The following SCHIP1 variants were observed in gnomAD, a reference collection of about 807,000 sequenced individuals.
The protein encoded by SCHIP1 is schwannomin-interacting protein 1.
Under a neutral mutation model 29.7 loss-of-function variants are expected in SCHIP1, and 8 were observed. The observed-to-expected ratio is 0.27, with a 90% confidence interval of 0.16 to 0.49. The LOEUF (loss-of-function observed/expected upper bound fraction) is 0.49. SCHIP1 is among the 20% of genes least tolerant of loss of function. The pLI, the probability that SCHIP1 is intolerant of heterozygous loss-of-function variation, is 0.99. For missense variants in SCHIP1, 193 were observed against 294.6 expected (o/e 0.66, Z 2.52); for synonymous variants, 76 against 94.9 (o/e 0.80, Z 1.16).
the SCHIP1 span, among the ~76,000 whole-genome samples, chr3:159,314,545 G>A: frequency 6.6e-6 from 1 of 152,170 alleles, no homozygotes; most frequent in Non-Finnish European, 1.5e-5. Flanking sequence ...GGGAAAATAA[G>A]TAAAAGATAG....
the SCHIP1 span, among the ~76,000 whole-genome samples, chr3:159,418,326 A>G: frequency 3.9e-5 from 6 of 152,174 alleles, no homozygotes; most frequent in African/African-American, 1.4e-4. Context: ...ATCTATCTAG[A>G]TATCTAGACT....
At chr3:159,561,117 T>C in the SCHIP1 span, among the ~76,000 whole-genome samples, 1 of 152,194 alleles carries the variant, frequency 6.6e-6, no homozygotes, top group Non-Finnish European at 1.5e-5. Flanking sequence ...GTAAAGTGTA[T>C]TCTTACACAG....
rs182564528 is a variant in SCHIP1 at position 159,889,020 on chromosome 3, T to A, written c.589+77T>A. 1.1e-4 allele frequency: 164 copies of A among 1,502,588 alleles called. No individual in the cohort carries two copies. The African/African-American group carries it at 2.0e-3, about 19-fold the overall frequency. 93.1% of individuals were successfully genotyped at this position (1,502,588 alleles called of 1,614,324 possible). A position where few individuals can be genotyped will look rare whatever the true frequency, so the allele number is the denominator to read the frequency against. On this transcript the variant is annotated intron_variant, in intron 5 of 6. Transcript: ENST00000445224. ...GATAATGCTGCTTCCTTGGTCCAAC[T>A]TTTTCATACAACATTTCATTGGGTT...
chr3:159,860,233 T>A (rs1222607796), intron 1 of SCHIP1, among the ~76,000 whole-genome samples: 1 of 152,198 alleles, frequency 6.6e-6, no homozygotes, highest in Non-Finnish European at 1.5e-5. Flanking sequence ...AGTATTTACT[T>A]CATTGCTTTA....
chr3:159,418,692 G>T, the SCHIP1 span, among the ~76,000 whole-genome samples: 3 of 152,120 alleles, frequency 2.0e-5, no homozygotes, highest in Non-Finnish European at 4.4e-5. Context: ...ATATCCTCAA[G>T]GTCAGACTTC....
chr3:159,314,200 A>G, the SCHIP1 span, among the ~76,000 whole-genome samples: 2 of 152,158 alleles, frequency 1.3e-5, no homozygotes, highest in Non-Finnish European at 2.9e-5. Flanking sequence ...TGGCCCTACA[A>G]CCTCAGCATT....
chr3:159,514,826 G>C, the SCHIP1 span, among the ~76,000 whole-genome samples: 1 of 152,052 alleles, frequency 6.6e-6, no homozygotes, highest in Non-Finnish European at 1.5e-5. Context: ...TGTGCAATTG[G>C]TGTCTCAACC....
the SCHIP1 span, among the ~76,000 whole-genome samples, chr3:159,788,075 A>G: frequency 1.3e-5 from 2 of 152,226 alleles, no homozygotes; most frequent in African/African-American, 4.8e-5. Flanking sequence ...CTTCAATAGC[A>G]TTACAACAAT....
chr3:159,388,483 A>G, the SCHIP1 span, among the ~76,000 whole-genome samples: 5 of 152,146 alleles, frequency 3.3e-5, no homozygotes, highest in Admixed American at 2.6e-4. Flanking sequence ...TAATTTTAAA[A>G]TGTCAATTTT....
chr3:159,449,877 G>C, the SCHIP1 span, among the ~76,000 whole-genome samples: 8 of 150,210 alleles, frequency 5.3e-5, no homozygotes, highest in Admixed American at 3.3e-4. Context: ...CATGAAGGAA[G>C]AAAGAAAGAA....
chr3:159,512,897 G>A, the SCHIP1 span, among the ~76,000 whole-genome samples: 1 of 152,110 alleles, frequency 6.6e-6, no homozygotes, highest in Admixed American at 6.5e-5. Flanking sequence ...CTCTCTATGA[G>A]TTCAATTGTT....
the SCHIP1 span, among the ~76,000 whole-genome samples, chr3:159,384,463 T>TTGATCATGGTGGATAAGC: frequency 2.8e-5 from 4 of 144,070 alleles, no homozygotes; most frequent in Non-Finnish European, 6.1e-5. Flanking sequence ...TGAAGCCCAC[T>TTGATCATGGTGGATAAGC]TGATCATGGT....
chr3:159,653,545 C>A, the SCHIP1 span, among the ~76,000 whole-genome samples: 1 of 140,558 alleles, frequency 7.1e-6, no homozygotes, highest in South Asian at 2.2e-4. Flanking sequence ...AATGAGAACA[C>A]ATGGACCCAG....
the SCHIP1 span, among the ~76,000 whole-genome samples, chr3:159,785,868 G>A: frequency 5.3e-5 from 8 of 152,270 alleles, no homozygotes; most frequent in Middle Eastern, 3.4e-3. Flanking sequence ...CATAGACAAC[G>A]ATTGTTTGGT....
At chr3:159,363,022 C>G in the SCHIP1 span, among the ~76,000 whole-genome samples, 1 of 152,174 alleles carries the variant, frequency 6.6e-6, no homozygotes, top group Non-Finnish European at 1.5e-5. Context: ...TACCCCATTT[C>G]CCTCTCTCCC....
the SCHIP1 span, among the ~76,000 whole-genome samples, chr3:159,525,946 G>T: frequency 6.6e-6 from 1 of 152,102 alleles, no homozygotes; most frequent in Non-Finnish European, 1.5e-5. Context: ...TCAATGTGAG[G>T]TATTTATTTA....
At chr3:159,764,007 G>A in the SCHIP1 span, 2 of 153,820 alleles carry the variant, frequency 1.3e-5, no homozygotes, top group South Asian at 2.0e-4. The surrounding 1 kb of genome is among the most constrained non-coding windows in gnomAD (Gnocchi z 6.1). Flanking sequence ...CGCCTAGAGC[G>A]AGATGCGAAA....
At chr3:159,871,738 T>A (rs1715311459) in intron 2 of SCHIP1, among the ~76,000 whole-genome samples, 1 of 141,226 alleles carries the variant, frequency 7.1e-6, no homozygotes, top group South Asian at 2.2e-4. Flanking sequence ...AGATAGGAAC[T>A]GTAGCATATA....
the SCHIP1 span, among the ~76,000 whole-genome samples, chr3:159,511,270 G>T: frequency 6.6e-6 from 1 of 152,248 alleles, no homozygotes; most frequent in Non-Finnish European, 1.5e-5. Flanking sequence ...TCTCAGTCAA[G>T]TGCAGGATAT....
Sources: allele counts gnomAD v4.1 joint callset (sites outside exome capture counted in the v4.1 genomes callset), GRCh38; gene constraint gnomAD v4.1.1; non-coding constraint Gnocchi (gnomAD v3.1); transcripts MANE v1.5; gene names NCBI Gene and HGNC (gene_info 2026-07-23, HGNC 2026-07-21).